KSR2: variants seen among roughly 807,000 people sequenced by gnomAD.
KSR2 encodes the protein kinase suppressor of ras 2.
In KSR2, 25 loss-of-function variants were observed where a neutral mutation model predicts 107.8. That is an observed-to-expected ratio of 0.23 (90% CI 0.17 to 0.32). The LOEUF (loss-of-function observed/expected upper bound fraction) is 0.32. KSR2 is among the 10% of genes least tolerant of loss of function. The pLI is 1.00. For missense variants in KSR2, 887 were observed against 1,268.9 expected, an observed-to-expected ratio of 0.70 and a Z score of 4.57; for synonymous variants, 480 against 507.0, an observed-to-expected ratio of 0.95 and a Z score of 0.71.
At chr12:117,896,738 G>C in intron 1 of KSR2, among the ~76,000 whole-genome samples, 1 of 152,112 alleles carries the variant, frequency 6.6e-6, no homozygotes, top group East Asian at 1.9e-4. Context: ...GGGATTATAG[G>C]CACGAGCCAC....
At chr12:117,481,756 C>T (rs1274803885) in intron 16 of KSR2, among the ~76,000 whole-genome samples, 1 of 152,188 alleles carries the variant, frequency 6.6e-6, no homozygotes, top group Non-Finnish European at 1.5e-5. Flanking sequence ...AAGCCCAAAG[C>T]CTGGCCAGCT....
At chr12:117,469,888 T>G in intron 18 of KSR2, 93 bp from the exon 19 acceptor site, 1 of 1,241,506 alleles carries the variant, frequency 8.1e-7, no homozygotes, top group Non-Finnish European at 1.2e-6. Context: ...TGTCCACTCA[T>G]CTGCCCCATT....
At chr12:117,633,499 G>A (rs748066600) in intron 5 of KSR2, among the ~76,000 whole-genome samples, 2 of 152,126 alleles carry the variant, frequency 1.3e-5, no homozygotes, top group East Asian at 1.9e-4. Context: ...ATTCTCTCAC[G>A]GTTCTAGAGA....
At chr12:117,739,381 A>T (rs1347795121) in intron 4 of KSR2, among the ~76,000 whole-genome samples, 5 of 152,220 alleles carry the variant, frequency 3.3e-5, no homozygotes, top group Non-Finnish European at 5.9e-5. Context: ...AAAATTAAAA[A>T]ATAAAGTAAT....
chr12:117,463,657 G>A lies in KSR2; in HGVS notation c.*3542C>T, dbSNP rs1023198478. ...ATGTAAAAACCATTTGGCAGGCTGG[G>A]TATGGCCTATGGGGCATAGCCTGAC... On this transcript the variant is annotated 3_prime_UTR_variant, in exon 20 of 20. Coordinates refer to ENST00000339824, the MANE Select transcript of KSR2 (RefSeq NM_173598.6). 1 of 152,210 alleles carries A rather than the reference G, an allele frequency of 6.6e-6. No homozygotes were observed. Among genetic ancestry groups the A allele is most frequent in the South Asian group, 2.1e-4 (1 of 4,826 alleles). The allele number at this position is 152,210 out of a possible 1,614,324, so 9.4% of individuals were successfully genotyped here. A position where few individuals can be genotyped will look rare whatever the true frequency, so the allele number is the denominator to read the frequency against.
chr12:117,847,963 G>A lies in KSR2; in HGVS notation c.472+7465C>T, dbSNP rs143337133. ...AGTGCTTGATAAACACACGTGGGAG[G>A]GGGAAAAGGAGGGAAGGGTAGAAAA... On this transcript the variant is annotated intron_variant, in intron 3 of 19. Transcript: ENST00000339824. Among the ~76,000 whole-genome samples the A allele has an allele frequency of 2.2e-3, 328 of 152,300 alleles. 2 individuals carry two copies. Among genetic ancestry groups the A allele is most frequent in the African/African-American group, 7.3e-3 (305 of 41,552 alleles).
intron 3 of KSR2, among the ~76,000 whole-genome samples, chr12:117,779,274 G>A (rs1245540352): frequency 2.0e-5 from 3 of 152,210 alleles, no homozygotes; most frequent in Non-Finnish European, 4.4e-5. Flanking sequence ...GCTTTTCCAA[G>A]ACATCTAGAT....
intron 5 of KSR2, among the ~76,000 whole-genome samples, chr12:117,607,894 T>C (rs925160870): frequency 6.6e-6 from 1 of 152,030 alleles, no homozygotes; most frequent in Non-Finnish European, 1.5e-5. Flanking sequence ...AGAGGCTTGG[T>C]TGTCCCCAGT....
chr12:117,526,629 A>G (rs976880858), intron 13 of KSR2, among the ~76,000 whole-genome samples: 3 of 152,150 alleles, frequency 2.0e-5, no homozygotes, highest in Non-Finnish European at 4.4e-5. Flanking sequence ...CCAGGACTCC[A>G]TGGTTTCCAG....
chr12:117,589,811 A>T (rs1307725008), intron 5 of KSR2, among the ~76,000 whole-genome samples: 1 of 152,202 alleles, frequency 6.6e-6, no homozygotes, highest in Non-Finnish European at 1.5e-5. Context: ...CAGCTCCATG[A>T]TGCTTCAGGG....
chr12:117,651,387 G>A (rs1883899744), intron 5 of KSR2, among the ~76,000 whole-genome samples: 2 of 152,098 alleles, frequency 1.3e-5, no homozygotes, highest in South Asian at 4.2e-4. Context: ...CCATGAGGAG[G>A]TGCACTACAC....
At position 117,806,682 on chromosome 12, in the gene KSR2, A is replaced by G. The variant is rs867712744; in HGVS notation, c.473-45158T>C. Among the ~76,000 whole-genome samples the G allele has an allele frequency of 2.5e-4, 38 of 152,244 alleles. 2 individuals are homozygous for G. Among genetic ancestry groups the G allele is most frequent in the South Asian group, 4.2e-4 (2 of 4,816 alleles). ...GTCACTCCCCATGTCCCCTCCTCTC[A>G]GCCCCTGGCAACACCCATCTGCTCT... On this transcript the variant is annotated intron_variant, in intron 3 of 19. Coordinates refer to ENST00000339824, the MANE Select transcript of KSR2 (RefSeq NM_173598.6).
chr12:117,484,742 A>C (rs1170823859), intron 15 of KSR2, among the ~76,000 whole-genome samples, 193 bp from the exon 16 acceptor site: 1 of 152,170 alleles, frequency 6.6e-6, no homozygotes, highest in Non-Finnish European at 1.5e-5. Context: ...GGGAACAGGC[A>C]GGGCCCCCAA....
rs1336795767 is a variant in KSR2, at chr12:117,853,803, T to TA, written c.472+1624dup. On this transcript the variant is annotated intron_variant, in intron 3 of 19. Coordinates refer to ENST00000339824, the MANE Select transcript of KSR2 (RefSeq NM_173598.6). ...TGAGTCAACACCATTGTGCTAGAGG[T>TA]AAAGAGTAACATGACCTTTACAGCT... Among the ~76,000 whole-genome samples the TA allele has an allele frequency of 6.6e-5, 10 of 152,200 alleles. No homozygotes were observed. In the East Asian group the frequency reaches 1.9e-3, roughly 29 times the overall value.
intron 1 of KSR2, among the ~76,000 whole-genome samples, chr12:117,878,962 T>G (rs1893950492): frequency 2.6e-5 from 4 of 152,136 alleles, no homozygotes; most frequent in Admixed American, 2.6e-4. Flanking sequence ...TGAATCAACA[T>G]GCATCCTATC....
intron 5 of KSR2, among the ~76,000 whole-genome samples, chr12:117,608,727 T>A (rs1314824684): frequency 6.6e-6 from 1 of 152,234 alleles, no homozygotes; most frequent in East Asian, 1.9e-4. Flanking sequence ...ATATAATTTT[T>A]AATTTTTTCC....
At chr12:117,763,859 G>A (rs1889134502) in intron 3 of KSR2, among the ~76,000 whole-genome samples, 1 of 152,130 alleles carries the variant, frequency 6.6e-6, no homozygotes, top group Admixed American at 6.5e-5. Flanking sequence ...TGGCAGCAAA[G>A]ATGGAGAGAA....
chr12:117,530,639 G>A (rs2137254236), intron 12 of KSR2, among the ~76,000 whole-genome samples: 1 of 152,186 alleles, frequency 6.6e-6, no homozygotes, highest in East Asian at 1.9e-4. Flanking sequence ...GGAGGTTATG[G>A]GTCCTTAGGA....
chr12:117,602,116 ATTC>A (rs1880990976), intron 5 of KSR2, among the ~76,000 whole-genome samples: 1 of 152,206 alleles, frequency 6.6e-6, no homozygotes, highest in East Asian at 1.9e-4. Flanking sequence ...GTCACTAGAT[ATTC>A]TTCTTTTGCT....
Sources: allele counts gnomAD v4.1 joint callset (sites outside exome capture counted in the v4.1 genomes callset), GRCh38; gene constraint gnomAD v4.1.1; transcripts MANE v1.5; gene names NCBI Gene and HGNC (gene_info 2026-07-23, HGNC 2026-07-21).